Variants in UVRAG observed in about 807,000 individuals in gnomAD.
The protein encoded by UVRAG is UV radiation resistance-associated gene protein.
UVRAG carries 19 observed loss-of-function variants against 78.0 expected under a neutral mutation model. That is an observed-to-expected ratio of 0.24 (90% CI 0.17 to 0.36). The LOEUF (loss-of-function observed/expected upper bound fraction) is 0.36. Ranked by LOEUF, UVRAG falls within the 10% of genes least tolerant of loss-of-function variation. The probability of loss-of-function intolerance (pLI) is 1.00; values close to 1 mark genes in which losing one functional copy is unlikely to be tolerated. For missense variants in UVRAG, 740 were observed against 853.8 expected, an observed-to-expected ratio of 0.87 and a Z score of 1.66; for synonymous variants, 323 against 324.6, an observed-to-expected ratio of 1.00 and a Z score of 0.05.
intron 8 of UVRAG, 29 bp downstream of exon 8, chr11:75,983,542 A>G: frequency 1.3e-6 from 2 of 1,536,228 alleles, no homozygotes; most frequent in Non-Finnish European, 1.8e-6. Flanking sequence ...CAAACAGCCT[A>G]ACCTCCACAT....
At chr11:75,923,224 A>G (rs1460317055) in intron 6 of UVRAG, among the ~76,000 whole-genome samples, 2 of 151,832 alleles carry the variant, frequency 1.3e-5, no homozygotes, top group Admixed American at 6.6e-5. Flanking sequence ...ATTTATTAAT[A>G]TTATATATTT....
intron 12 of UVRAG, among the ~76,000 whole-genome samples, chr11:76,043,478 A>G (rs1398823435): frequency 6.6e-6 from 1 of 152,186 alleles, no homozygotes; most frequent in Non-Finnish European, 1.5e-5. Context: ...GAACATCTTG[A>G]TATATTGGTA....
At position 75,815,502 on chromosome 11, in the gene UVRAG, A is replaced by G; in HGVS notation, c.95A>G (p.His32Arg). 1.6e-6 allele frequency: 2 copies of G among 1,240,258 alleles called. No homozygotes were observed. Among genetic ancestry groups the G allele is most frequent in the Non-Finnish European group, 2.0e-6 (2 of 991,526 alleles). The allele number at this position is 1,240,258 out of a possible 1,614,324, so 76.8% of individuals were successfully genotyped here. The change falls in exon 1 of 15, where the codon CAT (histidine) becomes CGT (arginine). Residue 32 changes from histidine (H) to arginine (R), a missense_variant. Coordinates refer to ENST00000356136, the MANE Select transcript of UVRAG (RefSeq NM_003369.4). ...LPPGSAARALHVELPSQQRRL... is the reference protein window; with the variant it reads ...LPPGSAARALRVELPSQQRRL... ...CCCGGTTCTGCCGCGCGGGCCCTGC[A>G]TGTGGAGCTGCCGTCTCAGCAGGTA...
rs1294150764 is a variant in UVRAG, at chr11:75,879,892, G to A, written c.284G>A (p.Arg95Gln). Residue 95 changes from arginine to glutamine, a missense_variant, in exon 4 of 15, where the codon CGA (arginine) becomes CAA (glutamine). Coordinates refer to ENST00000356136, the MANE Select transcript of UVRAG (RefSeq NM_003369.4). The part of the protein sequence containing the change: ...VIKNSLNPTW[R>Q]SLDFGIMPDR... ...TTTCATGAGCAGAATCCCACGTGGC[G>A]AAGTCTCGATTTTGGAATTATGCCA... The A allele has an allele frequency of 3.1e-6, 5 of 1,613,776 alleles. No individual in the cohort carries two copies. The highest frequency in any genetic ancestry group is 4.2e-6 in the Non-Finnish European group (5 of 1,179,822).
intron 14 of UVRAG, among the ~76,000 whole-genome samples, chr11:76,122,732 T>C (rs1035807514): frequency 3.9e-5 from 6 of 152,202 alleles, no homozygotes; most frequent in African/African-American, 1.4e-4. Context: ...TTACCATCTG[T>C]CTACCTCTCA....
intron 9 of UVRAG, among the ~76,000 whole-genome samples, chr11:76,005,489 G>C (rs1949917472): frequency 6.6e-6 from 1 of 152,206 alleles, no homozygotes; most frequent in South Asian, 2.1e-4. Context: ...GTTGTCTTCA[G>C]TGCTGTTTTA....
intron 7 of UVRAG, among the ~76,000 whole-genome samples, chr11:75,980,922 C>T (rs1283631360): frequency 6.6e-6 from 1 of 152,062 alleles, no homozygotes; most frequent in African/African-American, 2.4e-5. Context: ...TTCAGGTGAT[C>T]CACGTGCCTC....
At chr11:76,010,787 G>C (rs1950035946) in intron 11 of UVRAG, among the ~76,000 whole-genome samples, 1 of 152,192 alleles carries the variant, frequency 6.6e-6, no homozygotes, top group African/African-American at 2.4e-5. Flanking sequence ...GTAAAGACCA[G>C]ACGTGTGCAG....
chr11:76,051,694 CT>C (rs1265665704), intron 12 of UVRAG, among the ~76,000 whole-genome samples: 6 of 152,120 alleles, frequency 3.9e-5, no homozygotes, highest in African/African-American at 1.4e-4. Context: ...AGAGAATGTT[CT>C]GGTGTAAATC....
intron 12 of UVRAG, among the ~76,000 whole-genome samples, chr11:76,020,588 A>T (rs1192298030): frequency 2.0e-5 from 3 of 151,062 alleles, no homozygotes; most frequent in African/African-American, 7.3e-5. Context: ...TATTGTGGCT[A>T]AGCTGGTATC....
intron 12 of UVRAG, among the ~76,000 whole-genome samples, chr11:76,026,986 C>G (rs1950337358): frequency 6.6e-6 from 1 of 151,830 alleles, no homozygotes; most frequent in Non-Finnish European, 1.5e-5. Flanking sequence ...AAAAAAAGTC[C>G]ATGCAGAATT....
At chr11:75,842,040 C>CTGTGGAG (rs932558768) in intron 1 of UVRAG, among the ~76,000 whole-genome samples, 4 of 152,206 alleles carry the variant, frequency 2.6e-5, no homozygotes, top group African/African-American at 9.7e-5. Context: ...TCAGCTGGGG[C>CTGTGGAG]TGTGGAGAAC....
chr11:75,914,191 C>T (rs1371408195), intron 6 of UVRAG: 4 of 152,188 alleles, frequency 2.6e-5, no homozygotes, highest in Non-Finnish European at 4.4e-5. Context: ...CCATCATCTG[C>T]TCTATTAAAT....
chr11:76,141,163 TC>T lies in UVRAG; in HGVS notation c.1852del (p.His618ThrfsTer32). ...GCCAGTGTCCAGCTTCCAGGCGAGTTCCACCCAGTCTCAGAAGCTGAGCTCT... is the reference window on the plus strand; with the variant it reads ...GCCAGTGTCCAGCTTCCAGGCGAGTTCACCCAGTCTCAGAAGCTGAGCTCT... Reference protein sequence around the residue: ...GSASVQLPGEFHPVSEAELCC... With the variant: ...GSASVQLPGEXHPVSEAELCC... On this transcript the variant is annotated frameshift_variant, in exon 15 of 15. Coordinates refer to ENST00000356136, the MANE Select transcript of UVRAG (RefSeq NM_003369.4). LOFTEE classifies it high-confidence loss of function. The T allele has an allele frequency of 1.2e-6, 2 of 1,614,122 alleles. No individual in the cohort carries two copies. Among genetic ancestry groups the T allele is most frequent in the Non-Finnish European group, 1.7e-6 (2 of 1,180,022 alleles).
At chr11:75,925,223 T>A (rs1254002583) in intron 6 of UVRAG, among the ~76,000 whole-genome samples, 2 of 152,220 alleles carry the variant, frequency 1.3e-5, no homozygotes, top group Admixed American at 1.3e-4. Flanking sequence ...GTTTAGTGAT[T>A]TCACCCTGAT....
Position 76,141,250 on chromosome 11 carries a change from G to A in UVRAG, c.1937G>A (p.Gly646Asp). The A allele has an allele frequency of 2.5e-6, 4 of 1,614,226 alleles. No individual in the cohort carries two copies. The highest frequency in any genetic ancestry group is 3.4e-6 in the Non-Finnish European group (4 of 1,180,034). ...IGLEATGFAS[G>D]DQLEAFNCIP... ...CTGGAAGCCACAGGTTTCGCCTCAG[G>A]TGATCAGCTAGAAGCATTTAACTGC... The change falls in exon 15 of 15, where the codon GGT becomes GAT. Residue 646 changes from glycine to aspartate, a missense_variant. Transcript: ENST00000356136.
At chr11:76,121,407 A>G (rs1283259824) in intron 14 of UVRAG, among the ~76,000 whole-genome samples, 1 of 152,224 alleles carries the variant, frequency 6.6e-6, no homozygotes, top group Non-Finnish European at 1.5e-5. Flanking sequence ...ACTGTGATTG[A>G]AAGTCACCAG....
chr11:75,988,682 T>TA (rs1949546277), intron 8 of UVRAG, among the ~76,000 whole-genome samples: 1 of 152,252 alleles, frequency 6.6e-6, no homozygotes, highest in African/African-American at 2.4e-5. Flanking sequence ...ACTAAGCTGT[T>TA]ATGCATTTTC....
chr11:76,135,889 C>T (rs1473540215), intron 14 of UVRAG, among the ~76,000 whole-genome samples: 1 of 152,258 alleles, frequency 6.6e-6, no homozygotes, highest in African/African-American at 2.4e-5. Flanking sequence ...TCCCAAAACA[C>T]ACACATTTTT....
Sources: allele counts gnomAD v4.1 joint callset (sites outside exome capture counted in the v4.1 genomes callset), GRCh38; gene constraint gnomAD v4.1.1; transcripts MANE v1.5; gene names NCBI Gene and HGNC (gene_info 2026-07-23, HGNC 2026-07-21).